The following MGAM2 variants were observed in gnomAD, a reference collection of about 807,000 sequenced individuals.
The protein encoded by MGAM2 is probable maltase-glucoamylase 2.
MGAM2 carries 98 observed loss-of-function variants against 96.1 expected under a neutral mutation model. That is an observed-to-expected ratio of 1.02 (90% CI 0.87 to 1.21). The LOEUF is 1.21. Ranked by LOEUF, MGAM2 falls within the 50% of genes most tolerant of loss-of-function variation. The probability of loss-of-function intolerance (pLI) is 0.00; values close to 1 mark genes in which losing one functional copy is unlikely to be tolerated. For synonymous variants in MGAM2, 749 were observed against 414.8 expected, an observed-to-expected ratio of 1.81 and a Z score of -9.79; for missense variants, 2,055 against 1,182.4, an observed-to-expected ratio of 1.74 and a Z score of -10.82.
At chr7:142,190,173 A>G (rs1396635352) in intron 37 of MGAM2, among the ~76,000 whole-genome samples, 1 of 151,160 alleles carries the variant, frequency 6.6e-6, no homozygotes, top group Non-Finnish European at 1.5e-5. Context: ...TTGAATATGT[A>G]TCTAAGAGTG....
In MGAM2 at chr7:142,222,282, G is replaced by C; in HGVS notation, c.*223G>C. Reference sequence around the variant, plus strand: ...TATAGGTTTCACCAAAGAAGCTGTGGGTACTTATTTTGCAACCATAGTATG... The same window carrying C: ...TATAGGTTTCACCAAAGAAGCTGTGCGTACTTATTTTGCAACCATAGTATG... On this transcript the variant is annotated 3_prime_UTR_variant, in exon 48 of 48. Coordinates refer to ENST00000477922, the MANE Select transcript of MGAM2 (RefSeq NM_001293626.2). 1 of 370,820 alleles carries C rather than the reference G, an allele frequency of 2.7e-6. No individual in the cohort carries two copies. 23.0% of individuals were successfully genotyped at this position (370,820 alleles called of 1,614,324 possible).
At chr7:142,116,815 C>T (rs942142156) in intron 1 of MGAM2, 59 bp from the exon 2 acceptor site, 1 of 699,120 alleles carries the variant, frequency 1.4e-6, no homozygotes, top group Non-Finnish European at 2.6e-6. Context: ...GATTATGTAT[C>T]CTCTTAGATT....
intron 29 of MGAM2, 24 bp downstream of exon 29, chr7:142,172,218 T>A (rs1796217664): frequency 1.4e-6 from 1 of 701,024 alleles, no homozygotes; most frequent in Non-Finnish European, 2.6e-6. Context: ...ACAGCTCCCA[T>A]GCACCACCAG....
chr7:142,220,026 T>C lies in MGAM2; in HGVS notation c.5515T>C (p.Ser1839Pro). 1.4e-6 allele frequency: 1 copy of C among 702,908 alleles called. No homozygotes were observed. The highest frequency in any genetic ancestry group is 2.6e-6 in the Non-Finnish European group (1 of 384,944). 43.5% of individuals were successfully genotyped at this position (702,908 alleles called of 1,614,324 possible). The change falls in exon 48 of 48, where the codon TCT (serine) becomes CCT (proline). Residue 1839 changes from serine to proline, a missense_variant. Transcript: ENST00000477922. ...TCCATCTACTACCAATGCCACCAGTTCTGAGACAATCACCAGTTCTGCCAG... is the reference window on the plus strand; with the variant it reads ...TCCATCTACTACCAATGCCACCAGTCCTGAGACAATCACCAGTTCTGCCAG... ...PSPSTTNATS[S>P]ETITSSASAN... is the part of the protein sequence containing the mutation.
intron 26 of MGAM2, among the ~76,000 whole-genome samples, chr7:142,167,790 T>C (rs1796072882): frequency 6.6e-6 from 1 of 152,078 alleles, no homozygotes; most frequent in Non-Finnish European, 1.5e-5. Context: ...CCAGGCGGTC[T>C]CAAATGTCTA....
chr7:142,211,521 T>C (rs1401250369), intron 46 of MGAM2, among the ~76,000 whole-genome samples: 2 of 152,136 alleles, frequency 1.3e-5, no homozygotes, highest in African/African-American at 4.8e-5. Flanking sequence ...CTGAAAAATA[T>C]AGCATGAGAA....
chr7:142,187,684 G>A, intron 35 of MGAM2, 66 bp from the exon 36 acceptor site: 1 of 680,904 alleles, frequency 1.5e-6, no homozygotes, highest in South Asian at 1.5e-5. Flanking sequence ...CTGAGTTAGT[G>A]TCCTCTATAG....
chr7:142,194,196 C>A (rs532401803), intron 37 of MGAM2, among the ~76,000 whole-genome samples: 1 of 152,184 alleles, frequency 6.6e-6, no homozygotes, highest in Non-Finnish European at 1.5e-5. Context: ...CCATGCCCAG[C>A]TAATTTTGCA....
At chr7:142,164,576 G>A (rs193047412) in intron 23 of MGAM2, among the ~76,000 whole-genome samples, 43 of 152,108 alleles carry the variant, frequency 2.8e-4, no homozygotes, top group African/African-American at 9.2e-4. Flanking sequence ...TACCTATCTC[G>A]TCTGCTTGAA....
intron 1 of MGAM2, among the ~76,000 whole-genome samples, chr7:142,115,967 C>G (rs1258059425): frequency 6.6e-6 from 1 of 152,072 alleles, no homozygotes; most frequent in African/African-American, 2.4e-5. Context: ...TGATAAATTC[C>G]AGGGGCTAGC....
At position 142,198,651 on chromosome 7, in the gene MGAM2, C is replaced by G. The variant is rs913676771; in HGVS notation, c.4960C>G (p.Leu1654Val). ...SSTSTGQRKILKAPLDHINLH... is the reference protein window; with the variant it reads ...SSTSTGQRKIVKAPLDHINLH... ...CACATCAACAGGTCAGAGGAAAATCCTGAAGGCTCCCCTTGACCACATCAA... is the reference window on the plus strand; with the variant it reads ...CACATCAACAGGTCAGAGGAAAATCGTGAAGGCTCCCCTTGACCACATCAA... The change falls in exon 44 of 48, where the codon CTG (leucine) becomes GTG (valine). Residue 1654 changes from leucine to valine, a missense_variant. Coordinates refer to ENST00000477922, the MANE Select transcript of MGAM2 (RefSeq NM_001293626.2). The G allele has an allele frequency of 7.1e-6, 5 of 703,236 alleles. No homozygotes were observed. The African/African-American group carries it at 8.7e-5, about 12-fold the overall frequency. 43.6% of individuals were successfully genotyped at this position (703,236 alleles called of 1,614,324 possible).
intron 47 of MGAM2, among the ~76,000 whole-genome samples, chr7:142,219,029 G>A (rs925003743): frequency 1.1e-4 from 16 of 152,088 alleles, no homozygotes; most frequent in Admixed American, 7.9e-4. Flanking sequence ...TGTGGTATAG[G>A]ATAAAAGGTT....
chr7:142,124,060 C>T (rs1310250527), intron 3 of MGAM2, among the ~76,000 whole-genome samples: 2 of 150,614 alleles, frequency 1.3e-5, no homozygotes, highest in Non-Finnish European at 2.9e-5. Flanking sequence ...GCAACCTCCA[C>T]CTCCCAGGTT....
At chr7:142,178,996 T>A (rs10952517) in intron 32 of MGAM2, among the ~76,000 whole-genome samples, 65,650 of 151,832 alleles carry the variant, frequency 0.43, 14,586 homozygotes, top group East Asian at 0.54. Flanking sequence ...GGTTAGATGT[T>A]TTCCTAGGTA....
At chr7:142,129,340 T>C (rs1794816169) in intron 3 of MGAM2, among the ~76,000 whole-genome samples, 1 of 152,158 alleles carries the variant, frequency 6.6e-6, no homozygotes, top group Admixed American at 6.5e-5. Flanking sequence ...GGACTTGTAC[T>C]TTTGGATTAA....
In MGAM2 at chr7:142,143,868, G is replaced by A. The variant is rs1401321923; in HGVS notation, c.1417G>A (p.Asp473Asn). 1.4e-6 allele frequency: 1 copy of A among 702,874 alleles called. No homozygotes were observed. The highest frequency in any genetic ancestry group is 2.6e-6 in the Non-Finnish European group (1 of 384,858). The allele number at this position is 702,874 out of a possible 1,614,324, so 43.5% of individuals were successfully genotyped here. The change falls in exon 13 of 48, where the codon GAT becomes AAT. Residue 473 changes from aspartate (D) to asparagine (N), a missense_variant. By Grantham distance (23) the Asp-to-Asn change is conservative (BLOSUM62 1). Coordinates refer to ENST00000477922, the MANE Select transcript of MGAM2 (RefSeq NM_001293626.2). The stretch of plus-strand genomic sequence containing the variant: ...TAAATTTCATGATCATCTGGAGTTT[G>A]ATGGAGTGTGGATTGTAAGTTATTA... ...VAKFHDHLEF[D>N]GVWIEMNEVS... is the part of the protein sequence containing the mutation.
At chr7:142,131,166 G>T (rs1203710813) in intron 4 of MGAM2, 95 bp downstream of exon 4, 1 of 655,306 alleles carries the variant, frequency 1.5e-6, no homozygotes, top group Non-Finnish European at 2.8e-6. Flanking sequence ...TCAGGCAGGC[G>T]TGGTGGCTCA....
rs1019784593 is a variant in MGAM2, at chr7:142,180,686, T to A, written c.3817-2580T>A. ...TCAGGAATGCCAATGAGTCATAGAT[T>A]TGGCCTCTTTACATAATTCTATATT... On this transcript the variant is annotated intron_variant, in intron 32 of 47. Coordinates refer to ENST00000477922, the MANE Select transcript of MGAM2 (RefSeq NM_001293626.2). 3.3e-5 allele frequency among the ~76,000 whole-genome samples: 5 copies of A among 152,200 alleles called. No homozygotes were observed. In the East Asian group the frequency reaches 9.6e-4, roughly 29 times the overall value.
At chr7:142,216,457 ATTTCCTT>A (rs1272393981) in intron 46 of MGAM2, among the ~76,000 whole-genome samples, 2 of 152,190 alleles carry the variant, frequency 1.3e-5, no homozygotes, top group African/African-American at 4.8e-5. Context: ...TTGATAGATT[ATTTCCTT>A]AAGAATAAGG....
Sources: gnomAD v4.1 joint callset for allele counts (sites outside exome capture counted in the v4.1 genomes callset) on GRCh38, gnomAD v4.1.1 for gene constraint, MANE v1.5 for transcripts, NCBI Gene and HGNC (gene_info 2026-07-23, HGNC 2026-07-21) for gene names.